The following NUP210L variants were observed in gnomAD, a reference collection of about 807,000 sequenced individuals.
The protein encoded by NUP210L is nucleoporin 210 like.
In NUP210L, 74 loss-of-function variants were observed where a neutral mutation model predicts 208.5. The observed-to-expected ratio is 0.35, with a 90% CI of 0.29 to 0.43. The LOEUF (loss-of-function observed/expected upper bound fraction) is 0.43. NUP210L is among the 20% of genes least tolerant of loss of function. NUP210L has a pLI of 1.00. For missense variants in NUP210L, 1,843 were observed against 2,289.4 expected (o/e 0.81, Z 3.98); for synonymous variants, 780 against 816.9 (o/e 0.95, Z 0.77).
chr1:154,074,411 C>A (rs1462855399), intron 16 of NUP210L, among the ~76,000 whole-genome samples: 1 of 151,538 alleles, frequency 6.6e-6, no homozygotes, highest in Non-Finnish European at 1.5e-5. Flanking sequence ...ATTTATTTTT[C>A]TTCTCTTTCT....
Position 153,993,178 on chromosome 1 carries a change from ATAAT to A in NUP210L, c.5492-93_5492-90del, listed in dbSNP as rs1416521545. 18 of 817,518 alleles carry A rather than the reference ATAAT, an allele frequency of 2.2e-5. No homozygotes were observed. The East Asian group carries it at 4.3e-4, about 20-fold the overall frequency. 50.6% of individuals were successfully genotyped at this position (817,518 alleles called of 1,614,324 possible). A position where few individuals can be genotyped will look rare whatever the true frequency, so the allele number is the denominator to read the frequency against. ...CTCTAGAATGAGAATATTGCTAAAA[ATAAT>A]TCTTAAAAATAAGTAATAGTAATGG... is the stretch of plus-strand genomic sequence containing the variant. On this transcript the variant is annotated intron_variant, in intron 38 of 39. Transcript: ENST00000368559.
At chr1:154,077,162 C>T (rs2148023714) in intron 16 of NUP210L, among the ~76,000 whole-genome samples, 1 of 151,984 alleles carries the variant, frequency 6.6e-6, no homozygotes, top group South Asian at 2.1e-4. Flanking sequence ...ATTGCCTGAG[C>T]TCAGGAGTTT....
chr1:154,055,466 GTCTCAAACTCCTAACCT>G (rs1653812655), intron 23 of NUP210L, among the ~76,000 whole-genome samples: 1 of 152,060 alleles, frequency 6.6e-6, no homozygotes, highest in Non-Finnish European at 1.5e-5. Flanking sequence ...GGCCAGGCTG[GTCTCAAACTCCTAACCT>G]CAGGTGATCC....
chr1:154,155,062 G>T (rs751283748), exon 1 of NUP210L: 2 of 1,573,826 alleles, frequency 1.3e-6, no homozygotes, highest in Admixed American at 1.9e-5. Context: ...GCCAGGTCTC[G>T]GGTTCCCGCT....
intron 17 of NUP210L, among the ~76,000 whole-genome samples, chr1:154,065,015 G>T (rs1226709239): frequency 6.6e-6 from 1 of 151,694 alleles, no homozygotes; most frequent in Non-Finnish European, 1.5e-5. Flanking sequence ...GGTAGAGGTT[G>T]CAATGAGCCG....
chr1:154,020,091 G>A (rs1032739505), intron 32 of NUP210L, among the ~76,000 whole-genome samples: 1 of 152,204 alleles, frequency 6.6e-6, no homozygotes, highest in African/African-American at 2.4e-5. Flanking sequence ...CAAATCAGCT[G>A]TTATAGCATT....
chr1:154,089,364 C>A, intron 16 of NUP210L, 57 bp downstream of exon 16: 1 of 1,435,046 alleles, frequency 7.0e-7, no homozygotes, highest in South Asian at 1.2e-5. Flanking sequence ...CAGACTCTAT[C>A]TCTAAAGCAC....
At chr1:154,138,788 AACTATAC>A (rs1246114276) in intron 5 of NUP210L, among the ~76,000 whole-genome samples, 1 of 152,224 alleles carries the variant, frequency 6.6e-6, no homozygotes, top group East Asian at 1.9e-4. Context: ...TTAAAACAAA[AACTATAC>A]ATGTGAAAAG....
chr1:154,132,709 C>T (rs1483632522), intron 7 of NUP210L, among the ~76,000 whole-genome samples: 1 of 151,662 alleles, frequency 6.6e-6, no homozygotes, highest in Non-Finnish European at 1.5e-5. Context: ...TCCTGACACA[C>T]AGTTGGGGCT....
chr1:154,138,544 AAC>A (rs148925468), intron 5 of NUP210L, among the ~76,000 whole-genome samples: 1,849 of 152,296 alleles, frequency 0.012, 17 homozygotes, highest in East Asian at 0.037. Flanking sequence ...TCAATTGTAG[AAC>A]ACAGAAATTC....
At chr1:154,064,217 T>C (rs996668616) in intron 17 of NUP210L, among the ~76,000 whole-genome samples, 13 of 151,836 alleles carry the variant, frequency 8.6e-5, no homozygotes, top group African/African-American at 1.7e-4. Context: ...ATATTAATGG[T>C]CCACAGTGAA....
intron 7 of NUP210L, among the ~76,000 whole-genome samples, chr1:154,134,581 C>CA (rs1658427880): frequency 6.7e-6 from 1 of 150,358 alleles, no homozygotes; most frequent in Non-Finnish European, 1.5e-5. Flanking sequence ...ACTAAAAATA[C>CA]AAAAAATTAG....
chr1:154,147,347 T>C (rs899075330), intron 2 of NUP210L, among the ~76,000 whole-genome samples: 1 of 151,838 alleles, frequency 6.6e-6, no homozygotes, highest in Admixed American at 6.6e-5. Flanking sequence ...ATACAACATC[T>C]GACCAGTACT....
chr1:154,039,778 A>G (rs1025621643), intron 27 of NUP210L: 2 of 152,068 alleles, frequency 1.3e-5, no homozygotes, highest in East Asian at 3.9e-4. Flanking sequence ...GTCTTGAGGT[A>G]GCCTTACTTG....
At chr1:154,107,623 TG>T (rs1164053399) in intron 12 of NUP210L, among the ~76,000 whole-genome samples, 1 of 152,152 alleles carries the variant, frequency 6.6e-6, no homozygotes. Context: ...CCCAGCACTT[TG>T]GGAGGCCAAG....
chr1:154,072,567 C>A (rs894428483), intron 16 of NUP210L, among the ~76,000 whole-genome samples: 2 of 152,044 alleles, frequency 1.3e-5, no homozygotes, highest in Non-Finnish European at 2.9e-5. Flanking sequence ...CTCCTGACCT[C>A]ATGATCCGCC....
chr1:154,131,789 TTTC>T (rs1427014302), intron 7 of NUP210L, among the ~76,000 whole-genome samples: 1 of 151,998 alleles, frequency 6.6e-6, no homozygotes, highest in Non-Finnish European at 1.5e-5. Context: ...CTGGTTTTTC[TTTC>T]TTTTTTTCTT....
chr1:154,083,931 T>C (rs1385081770), intron 16 of NUP210L, among the ~76,000 whole-genome samples: 3 of 152,072 alleles, frequency 2.0e-5, no homozygotes, highest in East Asian at 3.9e-4. Context: ...AAACTGCAGC[T>C]GTGCTGTGTT....
chr1:154,104,997 G>T (rs1388364427), intron 12 of NUP210L, among the ~76,000 whole-genome samples: 1 of 152,088 alleles, frequency 6.6e-6, no homozygotes, highest in East Asian at 1.9e-4. Flanking sequence ...AGAGGAGAGG[G>T]GAGAGTAAAA....
Sources: gnomAD v4.1 joint callset for allele counts (sites outside exome capture counted in the v4.1 genomes callset) on GRCh38, gnomAD v4.1.1 for gene constraint, MANE v1.5 for transcripts, NCBI Gene and HGNC (gene_info 2026-07-23, HGNC 2026-07-21) for gene names.